AGBL4: variants seen among roughly 807,000 people sequenced by gnomAD.
AGBL4 encodes the protein cytosolic carboxypeptidase 6.
Under a neutral mutation model 66.4 loss-of-function variants are expected in AGBL4, and 58 were observed. The observed-to-expected ratio is 0.87, with a 90% CI of 0.71 to 1.09. AGBL4 has a LOEUF of 1.09. AGBL4 is among the 50% of genes least tolerant of loss of function. AGBL4 has a pLI of 0.00. For missense variants in AGBL4, 579 were observed against 631.0 expected (o/e 0.92, Z 0.88); for synonymous variants, 234 against 222.9 (o/e 1.05, Z -0.44).
chr1:49,353,725 C>A (rs1643958810), intron 3 of AGBL4, among the ~76,000 whole-genome samples: 1 of 152,220 alleles, frequency 6.6e-6, no homozygotes, highest in East Asian at 1.9e-4. Context: ...AAACCCCAGG[C>A]TCCACGAGCA....
At chr1:49,812,016 T>C (rs1489748651) in intron 2 of AGBL4, among the ~76,000 whole-genome samples, 1 of 152,200 alleles carries the variant, frequency 6.6e-6, no homozygotes, top group African/African-American at 2.4e-5. Context: ...AAATTTTTGT[T>C]TGTTTTCTGT....
intron 11 of AGBL4, among the ~76,000 whole-genome samples, chr1:48,544,773 C>A (rs1381995253): frequency 6.6e-6 from 1 of 152,162 alleles, no homozygotes; most frequent in African/African-American, 2.4e-5. Flanking sequence ...TCCCAGCCAG[C>A]CTACAGCTCC....
At chr1:48,673,695 C>A (rs1300939079) in intron 6 of AGBL4, among the ~76,000 whole-genome samples, 4 of 152,128 alleles carry the variant, frequency 2.6e-5, no homozygotes, top group Non-Finnish European at 5.9e-5. Context: ...CCAACCCATG[C>A]CTTGCCCACG....
At chr1:49,904,997 C>T (rs61785473) in intron 1 of AGBL4, among the ~76,000 whole-genome samples, 9 of 152,052 alleles carry the variant, frequency 5.9e-5, no homozygotes, top group South Asian at 2.1e-4. Flanking sequence ...AGTTTTATGA[C>T]GAAGTATTAT....
intron 6 of AGBL4, among the ~76,000 whole-genome samples, chr1:48,747,977 T>C (rs189936748): frequency 6.6e-6 from 1 of 152,304 alleles, no homozygotes; most frequent in Admixed American, 6.5e-5. Context: ...TGTAAGTAGA[T>C]AGGAAGTTTC....
intron 3 of AGBL4, among the ~76,000 whole-genome samples, chr1:49,491,045 C>T (rs1647175956): frequency 6.6e-6 from 1 of 151,544 alleles, no homozygotes; most frequent in African/African-American, 2.4e-5. Context: ...ATATACATAC[C>T]ATGTCTCTAT....
At chr1:48,670,546 T>A (rs1241187540) in intron 6 of AGBL4, among the ~76,000 whole-genome samples, 2 of 152,158 alleles carry the variant, frequency 1.3e-5, no homozygotes, top group Non-Finnish European at 2.9e-5. Flanking sequence ...GTTGTCACCT[T>A]GATGGTCACA....
At chr1:49,641,967 C>A (rs1405918074) in intron 3 of AGBL4, among the ~76,000 whole-genome samples, 1 of 151,856 alleles carries the variant, frequency 6.6e-6, no homozygotes, top group Non-Finnish European at 1.5e-5. Context: ...CAGGATTTTA[C>A]TGTATATTTA....
chr1:48,809,346 T>A (rs2148755025), intron 6 of AGBL4, among the ~76,000 whole-genome samples: 1 of 152,342 alleles, frequency 6.6e-6, no homozygotes, highest in East Asian at 1.9e-4. Flanking sequence ...TTTCTTGTTC[T>A]GACAGCTTGA....
At chr1:49,877,876 G>C (rs1026428150) in intron 1 of AGBL4, among the ~76,000 whole-genome samples, 5 of 151,908 alleles carry the variant, frequency 3.3e-5, no homozygotes, top group African/African-American at 1.2e-4. Flanking sequence ...CTTCTTCCTG[G>C]TTTAGTCTTG....
At chr1:48,589,479 C>T (rs1374325624) in intron 10 of AGBL4, among the ~76,000 whole-genome samples, 1 of 152,094 alleles carries the variant, frequency 6.6e-6, no homozygotes, top group South Asian at 2.1e-4. Context: ...ATAACAGGCC[C>T]CAGAGATTTA....
At chr1:49,850,795 A>T (rs1646284387) in intron 2 of AGBL4, among the ~76,000 whole-genome samples, 1 of 152,136 alleles carries the variant, frequency 6.6e-6, no homozygotes. Context: ...TATTTTCAAC[A>T]TATTCTGAGT....
intron 3 of AGBL4, among the ~76,000 whole-genome samples, chr1:49,568,364 C>G (rs10157679): frequency 0.47 from 71,117 of 151,552 alleles, 17,973 homozygotes; most frequent in Non-Finnish European, 0.57. Flanking sequence ...AGAGCCAAAT[C>G]AGGAACGCAA....
At chr1:49,413,040 CAGAATGCAGT>C (rs1362484685) in intron 3 of AGBL4, among the ~76,000 whole-genome samples, 1 of 152,048 alleles carries the variant, frequency 6.6e-6, no homozygotes, top group Admixed American at 6.6e-5. Context: ...AACTTGATAC[CAGAATGCAGT>C]AGATTGAAGA....
chr1:49,217,661 C>T (rs1649193789), intron 4 of AGBL4, among the ~76,000 whole-genome samples: 1 of 152,026 alleles, frequency 6.6e-6, no homozygotes, highest in Non-Finnish European at 1.5e-5. Flanking sequence ...AAGATTGTGC[C>T]TGGAACATAA....
chr1:49,129,639 G>C (rs1211636944), intron 4 of AGBL4, among the ~76,000 whole-genome samples: 1 of 152,020 alleles, frequency 6.6e-6, no homozygotes, highest in Non-Finnish European at 1.5e-5. Context: ...CAAAGGACAT[G>C]AACTCATCAT....
At chr1:48,745,062 T>G (rs1650527155) in intron 6 of AGBL4, among the ~76,000 whole-genome samples, 1 of 152,236 alleles carries the variant, frequency 6.6e-6, no homozygotes, top group Non-Finnish European at 1.5e-5. Context: ...CTGTCGGTTT[T>G]CAACATTAGA....
At chr1:49,518,699 T>A (rs1230185497) in intron 3 of AGBL4, among the ~76,000 whole-genome samples, 1 of 152,114 alleles carries the variant, frequency 6.6e-6, no homozygotes, top group Non-Finnish European at 1.5e-5. Context: ...AGCACCTTGA[T>A]ACTATAAAGG....
chr1:49,846,080 C>G (rs1205675740), intron 2 of AGBL4: 2 of 1,563,072 alleles, frequency 1.3e-6, no homozygotes, highest in South Asian at 1.1e-5. Context: ...AGGAGAGAAA[C>G]CCTATGAATG....
Sources: allele counts gnomAD v4.1 joint callset (sites outside exome capture counted in the v4.1 genomes callset), GRCh38; gene constraint gnomAD v4.1.1; transcripts MANE v1.5; gene names NCBI Gene and HGNC (gene_info 2026-07-23, HGNC 2026-07-21).